Variants in CCRL2 observed in about 807,000 individuals in gnomAD.
The protein encoded by CCRL2 is C-C chemokine receptor-like 2.
For missense variants in CCRL2, 451 were observed against 412.4 expected, an observed-to-expected ratio of 1.09 and a Z score of -0.81; for synonymous variants, 181 against 165.6, an observed-to-expected ratio of 1.09 and a Z score of -0.71.
chr3:46,409,080 C>T lies in CCRL2; in HGVS notation c.1001C>T (p.Ser334Leu). Reference sequence around the variant, plus strand: ...AGGGGGCAGTCTGCACAAGGCACATCGAGGGAAGAACCTGACCATTCCACC... The same window carrying T: ...AGGGGGCAGTCTGCACAAGGCACATTGAGGGAAGAACCTGACCATTCCACC... ...QPRGQSAQGT[S>L]REEPDHSTEV is the part of the protein sequence containing the mutation. Residue 334 changes from serine to leucine, a missense_variant, in exon 2 of 2, where the codon TCG (serine) becomes TTG (leucine). Coordinates refer to ENST00000399036, the MANE Select transcript of CCRL2 (RefSeq NM_003965.5). 6 of 1,613,824 alleles carry T rather than the reference C, an allele frequency of 3.7e-6. No homozygotes were observed. The highest frequency in any genetic ancestry group is 1.6e-4 in the Middle Eastern group (1 of 6,062).
Position 46,408,274 on chromosome 3 carries a change from A to C in CCRL2, c.195A>C (p.Lys65Asn). 1 of 1,614,198 alleles carries C rather than the reference A, an allele frequency of 6.2e-7. No homozygotes were observed. The highest frequency in any genetic ancestry group is 8.5e-7 in the Non-Finnish European group (1 of 1,180,034). ...DNLLVVLILV[K>N]YKGLKRVENI... ...TCCTGGTTGTGCTTATCCTGGTAAAATATAAAGGACTCAAACGCGTGGAAA... is the reference window on the plus strand; with the variant it reads ...TCCTGGTTGTGCTTATCCTGGTAAACTATAAAGGACTCAAACGCGTGGAAA... The change falls in exon 2 of 2, where the codon AAA (lysine) becomes AAC (asparagine). Residue 65 changes from lysine (K) to asparagine (N), a missense_variant. By Grantham distance (94) the Lys-to-Asn change is moderately conservative. Coordinates refer to ENST00000399036, the MANE Select transcript of CCRL2 (RefSeq NM_003965.5).
Position 46,408,090 on chromosome 3 carries a change from A to G in CCRL2, c.11A>G (p.Tyr4Cys), listed in dbSNP as rs11574443. 0.019 allele frequency: 30,233 copies of G among 1,575,262 alleles called. 357 individuals carry two copies. The highest frequency in any genetic ancestry group is 0.023 in the Non-Finnish European group (27,199 of 1,160,098). ...CAGGGCAGTCTGAAGATGGCCAATT[A>G]CACGCTGGCACCAGAGGATGAATAT... is the stretch of plus-strand genomic sequence containing the variant. MAN[Y>C]TLAPEDEYDV... The change falls in exon 2 of 2, where the codon TAC becomes TGC. Residue 4 changes from tyrosine (Y) to cysteine (C), a missense_variant. Physicochemically the swap from Tyr to Cys is radical, Grantham distance 194. Coordinates refer to ENST00000399036, the MANE Select transcript of CCRL2 (RefSeq NM_003965.5).
rs1199488113 is a variant in CCRL2, at chr3:46,408,245, A to G, written c.166A>G (p.Asn56Asp). 2.5e-6 allele frequency: 4 copies of G among 1,614,214 alleles called. No individual in the cohort carries two copies. Among genetic ancestry groups the G allele is most frequent in the Non-Finnish European group, 3.4e-6 (4 of 1,180,044 alleles). ...SAVFVIGVLD[N>D]LLVVLILVKY... ...TGTGTTTGTGATCGGTGTCCTGGAC[A>G]ATCTCCTGGTTGTGCTTATCCTGGT... Residue 56 changes from asparagine to aspartate, a missense_variant, in exon 2 of 2, where the codon AAT becomes GAT. Physicochemically the swap from Asn to Asp is conservative, Grantham distance 23 (BLOSUM62 1). Transcript: ENST00000399036.
In CCRL2 at chr3:46,407,374, T is replaced by G. The variant is rs1702061163; in HGVS notation, c.-141T>G. 5.1e-6 allele frequency: 2 copies of G among 394,264 alleles called. No homozygotes were observed. Among genetic ancestry groups the G allele is most frequent in the South Asian group, 9.3e-5 (2 of 21,398 alleles). 24.4% of individuals were successfully genotyped at this position (394,264 alleles called of 1,614,324 possible). ...GCCACCAGGGGAATCAACAGTGGTTTCTCGTGCCCCTCAGGGTCAGGAGCA... is the reference window on the plus strand; with the variant it reads ...GCCACCAGGGGAATCAACAGTGGTTGCTCGTGCCCCTCAGGGTCAGGAGCA... On this transcript the variant is annotated 5_prime_UTR_variant, in exon 1 of 2. Transcript: ENST00000399036.
Position 46,408,793 on chromosome 3 carries a change from G to T in CCRL2, c.714G>T (p.Lys238Asn). The T allele has an allele frequency of 6.2e-7, 1 of 1,614,190 alleles. No homozygotes were observed. The highest frequency in any genetic ancestry group is 1.1e-5 in the South Asian group (1 of 91,092). The change falls in exon 2 of 2, where the codon AAG becomes AAT. Residue 238 changes from lysine (K) to asparagine (N), a missense_variant. By Grantham distance (94) the Lys-to-Asn change is moderately conservative. Transcript: ENST00000399036. ...GGGAGCAGAGGTATAGCCTTTTCAA[G>T]CTTGTTTTTGCCATAATGGTAGTCT... ...RFREQRYSLFKLVFAIMVVFL... is the reference protein window; with the variant it reads ...RFREQRYSLFNLVFAIMVVFL...
At position 46,408,236 on chromosome 3, in the gene CCRL2, G is replaced by A. The variant is rs563077765; in HGVS notation, c.157G>A (p.Val53Ile). Residue 53 changes from valine to isoleucine, a missense_variant, in exon 2 of 2, where the codon GTC becomes ATC. By Grantham distance (29) the Val-to-Ile change is conservative. Transcript: ENST00000399036. ...CTGCTCTGCTGTGTTTGTGATCGGT[G>A]TCCTGGACAATCTCCTGGTTGTGCT... ...SLCSAVFVIG[V>I]LDNLLVVLIL... The A allele has an allele frequency of 6.2e-7, 1 of 1,614,218 alleles. No homozygotes were observed. Among genetic ancestry groups the A allele is most frequent in the African/African-American group, 1.3e-5 (1 of 75,060 alleles).
At chr3:46,407,646 G>C (rs751072809) in intron 1 of CCRL2, 144 bp downstream of exon 1, 9 of 1,541,396 alleles carry the variant, frequency 5.8e-6, no homozygotes, top group Non-Finnish European at 7.9e-6. Context: ...CGGGGGGTGA[G>C]CAAACTTTTT....
At position 46,408,546 on chromosome 3, in the gene CCRL2, G is replaced by A; in HGVS notation, c.467G>A (p.Trp156Ter). 1 of 1,614,144 alleles carries A rather than the reference G, an allele frequency of 6.2e-7. No homozygotes were observed. Among genetic ancestry groups the A allele is most frequent in the East Asian group, 2.2e-5 (1 of 44,888 alleles). ...PCGIITSVLA[W>*]VTAILATLPE... ...GGCATCATTACAAGTGTCCTGGCATGGGTAACAGCCATTCTGGCCACTTTG... is the reference window on the plus strand; with the variant it reads ...GGCATCATTACAAGTGTCCTGGCATAGGTAACAGCCATTCTGGCCACTTTG... The change falls in exon 2 of 2, where the codon TGG becomes TAG. Residue 156 changes from tryptophan (W) to a stop codon, truncating the protein, a stop_gained. Transcript: ENST00000399036. LOFTEE classifies it low-confidence loss of function (END_TRUNC).
rs777753782 is a variant in CCRL2, at chr3:46,408,731, T to C, written c.652T>C (p.Phe218Leu). The change falls in exon 2 of 2, where the codon TTT becomes CTT. Residue 218 changes from phenylalanine to leucine, a missense_variant. Phe to Leu is a conservative substitution (Grantham distance 22). Coordinates refer to ENST00000399036, the MANE Select transcript of CCRL2 (RefSeq NM_003965.5). Reference sequence around the variant, plus strand: ...TGTCCTCCCCCTATTTATTTTTACATTTCTCTATGTGCAAATGAGAAAAAC... The same window carrying C: ...TGTCCTCCCCCTATTTATTTTTACACTTCTCTATGTGCAAATGAGAAAAAC... Reference protein sequence around the residue: ...VLVLPLFIFTFLYVQMRKTLR... With the variant: ...VLVLPLFIFTLLYVQMRKTLR... 4 of 1,614,012 alleles carry C rather than the reference T, an allele frequency of 2.5e-6. No homozygotes were observed. The highest frequency in any genetic ancestry group is 8.5e-7 in the Non-Finnish European group (1 of 1,180,028).
Position 46,408,700 on chromosome 3 carries a change from G to A in CCRL2, c.621G>A (p.Ser207=), listed in dbSNP as rs199579403. ...TTCTGACTTTAAAAATGAACATTTCGGTTCTTGTCCTCCCCCTATTTATTT... is the reference window on the plus strand; with the variant it reads ...TTCTGACTTTAAAAATGAACATTTCAGTTCTTGTCCTCCCCCTATTTATTT... ...KHFLTLKMNI[S]VLVLPLFIFT... is the part of the protein sequence containing the mutation. Residue 207 remains serine, a synonymous_variant, in exon 2 of 2, where the codon TCG becomes TCA. Coordinates refer to ENST00000399036, the MANE Select transcript of CCRL2 (RefSeq NM_003965.5). 94 of 1,613,994 alleles carry A rather than the reference G, an allele frequency of 5.8e-5. No individual in the cohort carries two copies. Among genetic ancestry groups the A allele is most frequent in the Non-Finnish European group, 6.8e-5 (80 of 1,180,040 alleles).
chr3:46,408,656 G>A lies in CCRL2; in HGVS notation c.577G>A (p.Glu193Lys). 6.2e-7 allele frequency: 1 copy of A among 1,614,192 alleles called. No individual in the cohort carries two copies. The change falls in exon 2 of 2, where the codon GAG becomes AAG. Residue 193 changes from glutamate to lysine, a missense_variant. Transcript: ENST00000399036. ...CAGAACTCCCTTCCTGCCAGCTGATGAGACATTCTGGAAGCATTTTCTGAC... is the reference window on the plus strand; with the variant it reads ...CAGAACTCCCTTCCTGCCAGCTGATAAGACATTCTGGAAGCATTTTCTGAC... Reference protein sequence around the residue: ...FSRTPFLPADETFWKHFLTLK... With the variant: ...FSRTPFLPADKTFWKHFLTLK...
Position 46,408,191 on chromosome 3 carries a change from G to T in CCRL2, c.112G>T (p.Ala38Ser), listed in dbSNP as rs1478949599. Residue 38 changes from alanine to serine, a missense_variant, in exon 2 of 2, where the codon GCC becomes TCC. Physicochemically the swap from Ala to Ser is moderately conservative, Grantham distance 99. Transcript: ENST00000399036. ...CAAGTATGACGCCCAGGCACTCTCAGCCCAGCTGGTGCCATCACTCTGCTC... is the reference window on the plus strand; with the variant it reads ...CAAGTATGACGCCCAGGCACTCTCATCCCAGCTGGTGCCATCACTCTGCTC... ...CDKYDAQALSAQLVPSLCSAV... is the reference protein window; with the variant it reads ...CDKYDAQALSSQLVPSLCSAV... The T allele has an allele frequency of 1.9e-6, 3 of 1,613,656 alleles. No individual in the cohort carries two copies. Among genetic ancestry groups the T allele is most frequent in the Admixed American group, 3.3e-5 (2 of 59,972 alleles).
chr3:46,408,375 G>C lies in CCRL2; in HGVS notation c.296G>C (p.Gly99Ala). The stretch of plus-strand genomic sequence containing the variant: ...CTGCCCTTCTGGGCTCATGCTGGGG[G>C]CGATCCCATGTGTAAAATTCTCATT... ...LTLPFWAHAG[G>A]DPMCKILIGL... The change falls in exon 2 of 2, where the codon GGC becomes GCC. Residue 99 changes from glycine to alanine, a missense_variant. Transcript: ENST00000399036. 6.2e-7 allele frequency: 1 copy of C among 1,614,216 alleles called. No homozygotes were observed. Among genetic ancestry groups the C allele is most frequent in the Non-Finnish European group, 8.5e-7 (1 of 1,180,020 alleles).
rs771817094 is a variant in CCRL2, at chr3:46,408,641, T to A, written c.562T>A (p.Phe188Ile). 7.4e-6 allele frequency: 12 copies of A among 1,614,104 alleles called. No homozygotes were observed. The Admixed American group carries it at 2.0e-4, about 27-fold the overall frequency. Residue 188 changes from phenylalanine to isoleucine, a missense_variant, in exon 2 of 2, where the codon TTC becomes ATC. By Grantham distance (21) the Phe-to-Ile change is conservative. Coordinates refer to ENST00000399036, the MANE Select transcript of CCRL2 (RefSeq NM_003965.5). ...KYKCAFSRTP[F>I]LPADETFWKH... ...CAAGTGTGCATTTAGCAGAACTCCC[T>A]TCCTGCCAGCTGATGAGACATTCTG...
chr3:46,407,735 T>C (rs1702068431), intron 1 of CCRL2: 10 of 1,450,892 alleles, frequency 6.9e-6, no homozygotes, highest in Non-Finnish European at 6.5e-6. Context: ...ATATATTTTC[T>C]TACATATTGT....
At chr3:46,407,912 A>C in intron 1 of CCRL2, 156 bp from the exon 2 acceptor site, 1 of 687,050 alleles carries the variant, frequency 1.5e-6, no homozygotes, top group Non-Finnish European at 2.4e-6. Flanking sequence ...ACGTTAAAGA[A>C]ATGTTTATTT....
rs1702075277 is a variant in CCRL2 at position 46,408,139 on chromosome 3, G to A, written c.60G>A (p.Leu20=). 2 of 1,607,054 alleles carry A rather than the reference G, an allele frequency of 1.2e-6. No homozygotes were observed. Among genetic ancestry groups the A allele is most frequent in the Non-Finnish European group, 8.5e-7 (1 of 1,176,466 alleles). The change falls in exon 2 of 2, where the codon CTG becomes CTA. Residue 20 remains leucine, a synonymous_variant. Transcript: ENST00000399036. ...ATGATGTCCTCATAGAAGGTGAACT[G>A]GAGAGCGATGAGGCAGAGCAATGTG... is the stretch of plus-strand genomic sequence containing the variant. ...DEYDVLIEGE[L]ESDEAEQCDK...
Position 46,409,249 on chromosome 3 carries a change from A to G in CCRL2, c.*135A>G. ...GGGAGAGGTGAGCTAACATTTGCTA[A>G]GCACTGAATTTGTCTCAGGCACCGT... On this transcript the variant is annotated 3_prime_UTR_variant, in exon 2 of 2. Coordinates refer to ENST00000399036, the MANE Select transcript of CCRL2 (RefSeq NM_003965.5). The G allele has an allele frequency of 1.1e-6, 1 of 880,302 alleles. No individual in the cohort carries two copies. 54.5% of individuals were successfully genotyped at this position (880,302 alleles called of 1,614,324 possible).
intron 1 of CCRL2, 123 bp from the exon 2 acceptor site, chr3:46,407,945 A>T: frequency 1.3e-6 from 1 of 757,894 alleles, no homozygotes; most frequent in Non-Finnish European, 2.1e-6. Context: ...ATAGGGAATT[A>T]CTCTGGCTAA....
Sources: gnomAD v4.1 joint callset for allele counts on GRCh38, gnomAD v4.1.1 for gene constraint, MANE v1.5 for transcripts, NCBI Gene and HGNC (gene_info 2026-07-23, HGNC 2026-07-21) for gene names.